GAS7: variants seen among roughly 807,000 people sequenced by gnomAD.
GAS7 encodes the protein growth arrest-specific protein 7.
A neutral mutation model predicts 71.1 loss-of-function variants in GAS7; 28 were observed. That is an observed-to-expected ratio of 0.39 (90% CI 0.29 to 0.54). The LOEUF (loss-of-function observed/expected upper bound fraction) is 0.54. Ranked by LOEUF, GAS7 falls within the 20% of genes least tolerant of loss-of-function variation. The pLI, the probability that GAS7 is intolerant of heterozygous loss-of-function variation, is 0.62. For missense variants in GAS7, 436 were observed against 627.8 expected (o/e 0.69, Z 3.27); for synonymous variants, 258 against 245.8 (o/e 1.05, Z -0.46).
At chr17:9,963,551 G>A (rs1026367201) in intron 4 of GAS7, among the ~76,000 whole-genome samples, 1 of 152,056 alleles carries the variant, frequency 6.6e-6, no homozygotes, top group African/African-American at 2.4e-5. Context: ...AGGGATCCTG[G>A]ACTGGGGAGA....
chr17:10,148,246 G>T (rs2074136053), intron 1 of GAS7, among the ~76,000 whole-genome samples: 1 of 152,052 alleles, frequency 6.6e-6, no homozygotes, highest in African/African-American at 2.4e-5. Context: ...CTGCCTCGTT[G>T]GTTTCGGTTA....
chr17:10,025,127 A>T (rs895778144), intron 1 of GAS7, among the ~76,000 whole-genome samples: 1 of 152,142 alleles, frequency 6.6e-6, no homozygotes, highest in African/African-American at 2.4e-5. Flanking sequence ...AGCTGGCGAG[A>T]TGCAGTGACT....
At chr17:10,028,784 A>T (rs1435749436) in intron 1 of GAS7, among the ~76,000 whole-genome samples, 1 of 152,208 alleles carries the variant, frequency 6.6e-6, no homozygotes, top group African/African-American at 2.4e-5. Context: ...CATTGGTTGC[A>T]ATAAAACATG....
At chr17:9,928,650 C>A (rs1383378265) in intron 9 of GAS7, among the ~76,000 whole-genome samples, 1 of 152,158 alleles carries the variant, frequency 6.6e-6, no homozygotes, top group Non-Finnish European at 1.5e-5. Flanking sequence ...TCTGTGACTT[C>A]TCTCCTCTCC....
chr17:10,197,974 G>C (rs1256717575), intron 1 of GAS7, among the ~76,000 whole-genome samples: 1 of 152,202 alleles, frequency 6.6e-6, no homozygotes, highest in African/African-American at 2.4e-5. Flanking sequence ...GTGCTCCGGA[G>C]GCCCGGCGCA....
chr17:10,172,106 G>A (rs192802129), intron 1 of GAS7, among the ~76,000 whole-genome samples: 1 of 152,120 alleles, frequency 6.6e-6, no homozygotes, highest in Non-Finnish European at 1.5e-5. Context: ...AGTGTCCCTC[G>A]GGTCTGCTTG....
At chr17:10,155,861 G>T (rs2074201241) in intron 1 of GAS7, among the ~76,000 whole-genome samples, 1 of 152,190 alleles carries the variant, frequency 6.6e-6, no homozygotes. Context: ...GATACAGAAA[G>T]GTTATGTAAT....
intron 1 of GAS7, among the ~76,000 whole-genome samples, chr17:10,112,830 A>AG (rs1254130544): frequency 6.6e-6 from 1 of 151,906 alleles, no homozygotes; most frequent in Non-Finnish European, 1.5e-5. Context: ...GAAAGAGGGA[A>AG]GGAAGGAAAG....
At chr17:10,101,235 G>A (rs1426813984) in intron 1 of GAS7, among the ~76,000 whole-genome samples, 2 of 152,204 alleles carry the variant, frequency 1.3e-5, no homozygotes, top group Non-Finnish European at 2.9e-5. Flanking sequence ...GTCAGCCAGG[G>A]CTGTAGTCAC....
At chr17:10,049,876 T>TCCCAACAC (rs1306006639) in intron 1 of GAS7, among the ~76,000 whole-genome samples, 7 of 152,226 alleles carry the variant, frequency 4.6e-5, no homozygotes, top group African/African-American at 1.7e-4. Context: ...CACCTTGGCG[T>TCCCAACAC]CCCAAAGTGT....
rs11078831 is a variant in GAS7 at position 10,103,110 on chromosome 17, G to A, written c.184-83213C>T. ...CTCACACCTGTAATCCCAGCATTTT[G>A]GGAGGCCGAGGTGGGCAGATTGCTA... On this transcript the variant is annotated intron_variant, in intron 1 of 13. Transcript: ENST00000432992. This position sits in a 1 kb window ranked among gnomAD's most constrained non-coding sequence, Gnocchi z 5.5. 0.63 allele frequency among the ~76,000 whole-genome samples: 95,529 copies of A among 151,760 alleles called. 30,943 individuals are homozygous for A. The highest frequency in any genetic ancestry group is 0.78 in the African/African-American group (32,275 of 41,396).
At chr17:9,980,818 G>T (rs369287119) in intron 3 of GAS7, among the ~76,000 whole-genome samples, 1 of 152,214 alleles carries the variant, frequency 6.6e-6, no homozygotes, top group Non-Finnish European at 1.5e-5. Flanking sequence ...TAAAGTGACT[G>T]CATGAGGGCT....
At chr17:10,029,734 C>T (rs1336949675) in intron 1 of GAS7, among the ~76,000 whole-genome samples, 1 of 152,002 alleles carries the variant, frequency 6.6e-6, no homozygotes, top group African/African-American at 2.4e-5. Context: ...CACCTTTAGT[C>T]CCAGCTACTA....
rs1450724221 is a variant in GAS7 at position 10,078,357 on chromosome 17, G to C, written c.184-58460C>G. On this transcript the variant is annotated intron_variant, in intron 1 of 13. Transcript: ENST00000432992. ...TCAACCTGCCTCAGCCTCCCAAAGT[G>C]GTGGGATTACAGGCATGAGTCACCG... 2.0e-5 allele frequency among the ~76,000 whole-genome samples: 3 copies of C among 152,136 alleles called. No homozygotes were observed. The East Asian group carries it at 5.8e-4, about 29-fold the overall frequency.
chr17:10,172,383 C>G (rs2074341870), intron 1 of GAS7, among the ~76,000 whole-genome samples: 1 of 152,198 alleles, frequency 6.6e-6, no homozygotes, highest in South Asian at 2.1e-4. Context: ...TTGTTCACCT[C>G]CAGCACAGCA....
In GAS7 at chr17:9,910,640, G is replaced by C; in HGVS notation, c.*6588C>G. 5.1e-6 allele frequency: 1 copy of C among 194,594 alleles called. No homozygotes were observed. The highest frequency in any genetic ancestry group is 8.0e-5 in the East Asian group (1 of 12,532). 12.1% of individuals were successfully genotyped at this position (194,594 alleles called of 1,614,324 possible). A position where few individuals can be genotyped will look rare whatever the true frequency, so the allele number is the denominator to read the frequency against. ...CTGAAAACTCTTTATAATAATGCAG[G>C]ACAACTGTATATAGCAAACGCCTTC... On this transcript the variant is annotated 3_prime_UTR_variant, in exon 14 of 14. Coordinates refer to ENST00000432992, the MANE Select transcript of GAS7 (RefSeq NM_201433.2).
At chr17:9,932,927 C>G (rs947646624) in intron 9 of GAS7, among the ~76,000 whole-genome samples, 9 of 152,116 alleles carry the variant, frequency 5.9e-5, no homozygotes, top group African/African-American at 2.2e-4. Flanking sequence ...AATCCTAGCA[C>G]TTTGGGAGGC....
At chr17:10,129,487 A>T (rs375440820) in intron 1 of GAS7, among the ~76,000 whole-genome samples, 1 of 152,188 alleles carries the variant, frequency 6.6e-6, no homozygotes, top group Admixed American at 6.5e-5. Context: ...GTGAGCTATG[A>T]TCACACCACT....
At chr17:10,110,477 T>C (rs545717445) in intron 1 of GAS7, among the ~76,000 whole-genome samples, 2 of 152,120 alleles carry the variant, frequency 1.3e-5, no homozygotes, top group African/African-American at 4.8e-5. Context: ...TTCTTTTCTT[T>C]TTTTTTAAGA....
Sources: gnomAD v4.1 joint callset for allele counts (sites outside exome capture counted in the v4.1 genomes callset) on GRCh38, gnomAD v4.1.1 for gene constraint, Gnocchi (gnomAD v3.1) non-coding constraint, MANE v1.5 for transcripts, NCBI Gene and HGNC (gene_info 2026-07-23, HGNC 2026-07-21) for gene names.